The following PLEKHG1 variants were observed in gnomAD, a reference collection of about 807,000 sequenced individuals.
PLEKHG1 encodes the protein pleckstrin homology domain-containing family G member 1.
Under a neutral mutation model 100.8 loss-of-function variants are expected in PLEKHG1, and 44 were observed. The ratio of observed to expected loss-of-function variants is 0.44; its 90% CI spans 0.34 to 0.56. The LOEUF is 0.56. Among genes scored for constraint, PLEKHG1 ranks in the 20% least tolerant of loss-of-function variants. The pLI is 0.01. For missense variants in PLEKHG1, 1,545 were observed against 1,720.9 expected (o/e 0.90, Z 1.81); for synonymous variants, 640 against 662.5 (o/e 0.97, Z 0.52).
At chr6:150,743,517 C>T (rs527568587) in intron 2 of PLEKHG1, among the ~76,000 whole-genome samples, 2 of 152,246 alleles carry the variant, frequency 1.3e-5, no homozygotes, top group South Asian at 4.2e-4. Context: ...CGGAGCAAGA[C>T]TCCATCTCAA....
chr6:150,777,760 C>G (rs1026447554), intron 3 of PLEKHG1, among the ~76,000 whole-genome samples: 1 of 150,222 alleles, frequency 6.7e-6, no homozygotes, highest in African/African-American at 2.5e-5. Context: ...TTGCACACTA[C>G]TCACACTGAT....
At chr6:150,783,661 C>T (rs1224375374) in intron 3 of PLEKHG1, among the ~76,000 whole-genome samples, 2 of 152,182 alleles carry the variant, frequency 1.3e-5, no homozygotes, top group Non-Finnish European at 2.9e-5. Flanking sequence ...TGAGCCACCA[C>T]ATCCAGCCAG....
At chr6:150,676,577 G>A (rs541313672) in intron 3 of PLEKHG1, among the ~76,000 whole-genome samples, 146 of 152,212 alleles carry the variant, frequency 9.6e-4, no homozygotes, top group African/African-American at 3.2e-3. Flanking sequence ...AGTTTATCCC[G>A]ACGGTGTCAT....
chr6:150,688,080 A>G (rs1215090452), intron 3 of PLEKHG1, among the ~76,000 whole-genome samples: 8 of 152,156 alleles, frequency 5.3e-5, no homozygotes. Flanking sequence ...AGGCTGTTCT[A>G]TGTTCTTAAC....
Position 150,685,113 on chromosome 6 carries a change from A to G in PLEKHG1, c.-99+34327A>G, listed in dbSNP as rs561601038. ...TTCCCACCTCCTGATCCTGTCTCCA[A>G]TGAGTGACACTGGGCCGTTCTTCAA... On this transcript the variant is annotated intron_variant, in intron 3 of 3. Coordinates refer to the PLEKHG1 transcript ENST00000367326. Among the ~76,000 whole-genome samples the G allele has an allele frequency of 1.8e-4, 28 of 152,120 alleles. 1 individual carries two copies. Among genetic ancestry groups the G allele is most frequent in the South Asian group, 1.5e-3 (7 of 4,812 alleles).
intron 3 of PLEKHG1, among the ~76,000 whole-genome samples, chr6:150,674,682 T>TCTCTCTCTCTCTCTCTCTCTCCCC (rs1455673564): frequency 9.6e-6 from 1 of 104,234 alleles, no homozygotes. Context: ...TCTCTCTCTC[T>TCTCTCTCTCTCTCTCTCTCTCCCC]CCCCCCTCTT....
chr6:150,837,366 A>T (rs1480486488), intron 15 of PLEKHG1, among the ~76,000 whole-genome samples: 1 of 152,220 alleles, frequency 6.6e-6, no homozygotes, highest in Non-Finnish European at 1.5e-5. Context: ...AGAGATGAGT[A>T]GGATTTGATT....
intron 15 of PLEKHG1, among the ~76,000 whole-genome samples, chr6:150,834,294 C>T (rs1370031312): frequency 6.6e-6 from 1 of 152,180 alleles, no homozygotes; most frequent in African/African-American, 2.4e-5. Context: ...TGAGTTCCCG[C>T]TGCAGGAGGA....
intron 5 of PLEKHG1, among the ~76,000 whole-genome samples, chr6:150,799,458 T>C (rs1342515837): frequency 6.6e-6 from 1 of 152,200 alleles, no homozygotes; most frequent in Non-Finnish European, 1.5e-5. Flanking sequence ...GCCAGGTCCT[T>C]GTCCTCAGAT....
chr6:150,733,984 G>A (rs771282638), exon 2 of PLEKHG1: 63 of 1,614,026 alleles, frequency 3.9e-5, no homozygotes, highest in African/African-American at 8.0e-5. Context: ...CACCCAAGAC[G>A]ATCGCAGACT....
chr6:150,824,552 C>G (rs1041645408), intron 14 of PLEKHG1, among the ~76,000 whole-genome samples: 1 of 150,822 alleles, frequency 6.6e-6, no homozygotes, highest in African/African-American at 2.4e-5. Flanking sequence ...GACTGGATCT[C>G]GCTCTGTTGC....
intron 2 of PLEKHG1, among the ~76,000 whole-genome samples, chr6:150,752,877 C>T (rs1042582923): frequency 5.3e-5 from 8 of 151,992 alleles, no homozygotes; most frequent in African/African-American, 1.7e-4. Flanking sequence ...TTTGGGAGGC[C>T]GAGGCAGGCA....
intron 3 of PLEKHG1, among the ~76,000 whole-genome samples, chr6:150,671,400 G>C (rs1034210773): frequency 6.6e-6 from 1 of 152,156 alleles, no homozygotes; most frequent in Non-Finnish European, 1.5e-5. Flanking sequence ...ACCATATGTT[G>C]CTTCTTTTTC....
chr6:150,674,632 C>CCTCTCTCTCTCTCTCTCTCTCTCT (rs756355880), intron 3 of PLEKHG1, among the ~76,000 whole-genome samples: 1 of 66,332 alleles, frequency 1.5e-5, no homozygotes, highest in African/African-American at 6.8e-5. Context: ...CTCTCTCCTC[C>CCTCTCTCTCTCTCTCTCTCTCTCT]CTCTCTCTCT....
At chr6:150,670,958 C>A (rs1310160394) in intron 3 of PLEKHG1, among the ~76,000 whole-genome samples, 1 of 150,980 alleles carries the variant, frequency 6.6e-6, no homozygotes, top group Non-Finnish European at 1.5e-5. Flanking sequence ...TTCCCACATA[C>A]CAGTGAGAAC....
At chr6:150,830,172 T>C (rs766522684) in intron 14 of PLEKHG1, among the ~76,000 whole-genome samples, 22 of 152,194 alleles carry the variant, frequency 1.4e-4, no homozygotes, top group Non-Finnish European at 3.2e-4. Context: ...GAACCTAGAT[T>C]TCCTTACTGT....
chr6:150,742,660 G>A (rs1417171568), intron 2 of PLEKHG1, among the ~76,000 whole-genome samples: 2 of 145,210 alleles, frequency 1.4e-5, no homozygotes, highest in Non-Finnish European at 3.0e-5. Context: ...TGAGAAATCC[G>A]CCCCCATGAT....
At chr6:150,718,674 TG>T (rs1361774799), upstream of PLEKHG1, among the ~76,000 whole-genome samples, 1 of 152,174 alleles carries the variant, frequency 6.6e-6, no homozygotes, top group Admixed American at 6.5e-5. Context: ...TTCATCATGT[TG>T]GTCAGGCTAG....
chr6:150,741,575 A>C (rs1782858055), intron 2 of PLEKHG1, among the ~76,000 whole-genome samples: 1 of 152,228 alleles, frequency 6.6e-6, no homozygotes, highest in Non-Finnish European at 1.5e-5. Flanking sequence ...TAGGCACTTA[A>C]TTTGCTCACT....
Sources: allele counts gnomAD v4.1 joint callset (sites outside exome capture counted in the v4.1 genomes callset), GRCh38; gene constraint gnomAD v4.1.1; transcripts MANE v1.5; gene names NCBI Gene and HGNC (gene_info 2026-07-23, HGNC 2026-07-21).